SLC14A1: variants seen among roughly 807,000 people sequenced by gnomAD.
SLC14A1 encodes urea transporter 1.
A neutral mutation model predicts 39.6 loss-of-function variants in SLC14A1; 36 were observed. The observed-to-expected ratio is 0.91, with a 90% CI of 0.70 to 1.20. SLC14A1 has a LOEUF of 1.20. Among genes scored for constraint, SLC14A1 ranks in the 50% most tolerant of loss-of-function variants. The pLI, the probability that SLC14A1 is intolerant of heterozygous loss-of-function variation, is 0.00. For synonymous variants in SLC14A1, 164 were observed against 173.6 expected, an observed-to-expected ratio of 0.94 and a Z score of 0.43; for missense variants, 469 against 478.7, an observed-to-expected ratio of 0.98 and a Z score of 0.19.
intron 8 of SLC14A1, among the ~76,000 whole-genome samples, chr18:45,746,852 T>A (rs2047557781): frequency 1.3e-5 from 2 of 152,104 alleles, no homozygotes; most frequent in African/African-American, 2.4e-5. Flanking sequence ...TTACAGATGA[T>A]GAAACTAGAT....
At chr18:45,736,840 A>G (rs968829093) in intron 6 of SLC14A1, among the ~76,000 whole-genome samples, 192 bp downstream of exon 6, 1 of 150,300 alleles carries the variant, frequency 6.7e-6, no homozygotes, top group African/African-American at 2.4e-5. Flanking sequence ...TAAAATTACT[A>G]TTTAGTCAAG....
chr18:45,735,710 C>G (rs866918714), intron 5 of SLC14A1, among the ~76,000 whole-genome samples: 1 of 152,168 alleles, frequency 6.6e-6, no homozygotes. Context: ...TTGGGCCCTG[C>G]TCTGAAGAAT....
rs1416415642 is a variant in SLC14A1 at position 45,736,332 on chromosome 18, AT to A, written c.471-123del. Reference sequence around the variant, plus strand: ...ATCCCAAGTTTTCTTTCTGTGGCAAATGTGCCAACACAACACGTAAGGGGCC... The same window carrying A: ...ATCCCAAGTTTTCTTTCTGTGGCAAAGTGCCAACACAACACGTAAGGGGCC... On this transcript the variant is annotated intron_variant, in intron 5 of 9. Transcript: ENST00000321925. 3 of 859,248 alleles carry A rather than the reference AT, an allele frequency of 3.5e-6. No individual in the cohort carries two copies. In the Admixed American group the frequency reaches 5.6e-5, roughly 16 times the overall value. The allele number at this position is 859,248 out of a possible 1,614,324, so 53.2% of individuals were successfully genotyped here. A position where few individuals can be genotyped will look rare whatever the true frequency, so the allele number is the denominator to read the frequency against.
chr18:45,752,088 G>T lies in SLC14A1; in HGVS notation c.*2137G>T. The T allele has an allele frequency of 7.1e-6, 7 of 985,360 alleles. No individual in the cohort carries two copies. The highest frequency in any genetic ancestry group is 8.4e-6 in the Non-Finnish European group (7 of 829,934). The allele number at this position is 985,360 out of a possible 1,614,324, so 61.0% of individuals were successfully genotyped here. A position where few individuals can be genotyped will look rare whatever the true frequency, so the allele number is the denominator to read the frequency against. On this transcript the variant is annotated 3_prime_UTR_variant, in exon 10 of 10. Coordinates refer to ENST00000321925, the MANE Select transcript of SLC14A1 (RefSeq NM_015865.7). ...TAAAACCCAGTGACCAAAGCCTTTGGAACTATGAATTTGCAACTGTCATAG... is the reference window on the plus strand; with the variant it reads ...TAAAACCCAGTGACCAAAGCCTTTGTAACTATGAATTTGCAACTGTCATAG...
chr18:45,751,988 T>C lies in SLC14A1; in HGVS notation c.*2037T>C. ...ATAAACAGAAATAGGGAAGTAAACCTACAAATATTTTAGGGAGAAGCTCAC... is the reference window on the plus strand; with the variant it reads ...ATAAACAGAAATAGGGAAGTAAACCCACAAATATTTTAGGGAGAAGCTCAC... On this transcript the variant is annotated 3_prime_UTR_variant, in exon 10 of 10. Coordinates refer to ENST00000321925, the MANE Select transcript of SLC14A1 (RefSeq NM_015865.7). 2 of 985,354 alleles carry C rather than the reference T, an allele frequency of 2.0e-6. No homozygotes were observed. Among genetic ancestry groups the C allele is most frequent in the Non-Finnish European group, 2.4e-6 (2 of 829,908 alleles). The allele number at this position is 985,354 out of a possible 1,614,324, so 61.0% of individuals were successfully genotyped here. A position where few individuals can be genotyped will look rare whatever the true frequency, so the allele number is the denominator to read the frequency against.
At chr18:45,748,503 A>G in intron 9 of SLC14A1, 78 bp downstream of exon 9, 1 of 1,441,318 alleles carries the variant, frequency 6.9e-7, no homozygotes, top group East Asian at 2.3e-5. Context: ...CCTGAAGTCC[A>G]CTGGGCTGGC....
At chr18:45,746,407 A>G (rs2047546171) in intron 8 of SLC14A1, among the ~76,000 whole-genome samples, 1 of 152,216 alleles carries the variant, frequency 6.6e-6, no homozygotes, top group Non-Finnish European at 1.5e-5. Context: ...TATCACTTGT[A>G]CTATGGAGAG....
Position 45,739,226 on chromosome 18 carries a change from G to T in SLC14A1, c.727G>T (p.Gly243Cys). 4.3e-6 allele frequency: 7 copies of T among 1,614,102 alleles called. No homozygotes were observed. In the African/African-American group the frequency reaches 5.3e-5, roughly 12 times the overall value. The change falls in exon 7 of 10, where the codon GGC becomes TGC. Residue 243 changes from glycine (G) to cysteine (C), a missense_variant. Coordinates refer to ENST00000321925, the MANE Select transcript of SLC14A1 (RefSeq NM_015865.7). Reference sequence around the variant, plus strand: ...TGGCTGTGATAATCCATGGACAGGGGGCATTTTCCTGGGAGCCATCCTACT... The same window carrying T: ...TGGCTGTGATAATCCATGGACAGGGTGCATTTTCCTGGGAGCCATCCTACT... The part of the protein sequence containing the change: ...IYGCDNPWTG[G>C]IFLGAILLSS...
At chr18:45,743,406 T>A (rs1050420865) in intron 8 of SLC14A1, among the ~76,000 whole-genome samples, 3 of 125,006 alleles carry the variant, frequency 2.4e-5, no homozygotes, top group African/African-American at 1.2e-4. Context: ...TTGGATAGAT[T>A]TTTTTTTTTT....
Position 45,751,931 on chromosome 18 carries a change from G to A in SLC14A1, c.*1980G>A, listed in dbSNP as rs2047721636. 1.0e-6 allele frequency: 1 copy of A among 985,276 alleles called. No individual in the cohort carries two copies. Among genetic ancestry groups the A allele is most frequent in the African/African-American group, 1.7e-5 (1 of 57,314 alleles). The allele number at this position is 985,276 out of a possible 1,614,324, so 61.0% of individuals were successfully genotyped here. A position where few individuals can be genotyped will look rare whatever the true frequency, so the allele number is the denominator to read the frequency against. On this transcript the variant is annotated 3_prime_UTR_variant, in exon 10 of 10. Transcript: ENST00000321925. The stretch of plus-strand genomic sequence containing the variant: ...ATTTTTTCCACTTCTAGTTTGCAGT[G>A]CTCAGTGCACAATATACATTTTGCT...
chr18:45,732,158 A>C (rs2047048940), intron 4 of SLC14A1, among the ~76,000 whole-genome samples: 1 of 152,110 alleles, frequency 6.6e-6, no homozygotes, highest in South Asian at 2.1e-4. Context: ...AACATGATCA[A>C]CTCATTTTTT....
At chr18:45,730,135 G>A in intron 2 of SLC14A1, 165 bp from the exon 3 acceptor site, 1 of 612,316 alleles carries the variant, frequency 1.6e-6, no homozygotes, top group Non-Finnish European at 2.7e-6. Flanking sequence ...TGTGGGATTT[G>A]GGTTTGGCTA....
intron 8 of SLC14A1, 147 bp from the exon 9 acceptor site, chr18:45,748,229 A>G: frequency 1.2e-6 from 1 of 836,292 alleles, no homozygotes. Context: ...TGGAGCCAGG[A>G]TTTGAACCCA....
At chr18:45,745,313 G>A (rs1226202389) in intron 8 of SLC14A1, among the ~76,000 whole-genome samples, 3 of 152,166 alleles carry the variant, frequency 2.0e-5, no homozygotes, top group Non-Finnish European at 4.4e-5. Context: ...CTCCTGGGAT[G>A]TCCCCTTTCC....
intron 8 of SLC14A1, among the ~76,000 whole-genome samples, chr18:45,742,361 T>TTTG (rs2047404355): frequency 6.8e-6 from 1 of 146,136 alleles, no homozygotes; most frequent in African/African-American, 2.5e-5. Flanking sequence ...TGGTTTTTTT[T>TTTG]TTTTTTTTTT....
At chr18:45,748,551 T>C (rs1181182946) in intron 9 of SLC14A1, 126 bp downstream of exon 9, 1 of 936,752 alleles carries the variant, frequency 1.1e-6, no homozygotes, top group Admixed American at 1.7e-5. Flanking sequence ...GAAGCACTGC[T>C]CTCCCTTCTC....
chr18:45,727,420 T>C (rs953137410), intron 2 of SLC14A1: 96 of 1,539,300 alleles, frequency 6.2e-5, no homozygotes, highest in Non-Finnish European at 7.3e-5. Context: ...CAGGAACAGG[T>C]ATGCTTCCTT....
At chr18:45,724,616 T>C (rs2046813620) in intron 1 of SLC14A1, among the ~76,000 whole-genome samples, 1 of 152,238 alleles carries the variant, frequency 6.6e-6, no homozygotes, top group Non-Finnish European at 1.5e-5. Context: ...GGTTGTGTTC[T>C]TGAAATAATA....
chr18:45,749,900 C>G lies in SLC14A1; in HGVS notation c.1119C>G (p.Asn373Lys). 6.2e-7 allele frequency: 1 copy of G among 1,614,186 alleles called. No homozygotes were observed. Among genetic ancestry groups the G allele is most frequent in the Admixed American group, 1.7e-5 (1 of 60,020 alleles). ...PLSKVTYPEENRIFYLQAKKR... is the reference protein window; with the variant it reads ...PLSKVTYPEEKRIFYLQAKKR... ...GTAAAGTTACTTATCCTGAAGAAAA[C>G]CGCATCTTCTACCTGCAAGCCAAGA... Residue 373 changes from asparagine (N) to lysine (K), a missense_variant, in exon 10 of 10, where the codon AAC becomes AAG. By Grantham distance (94) the Asn-to-Lys change is moderately conservative (BLOSUM62 0). Transcript: ENST00000321925.
Sources: gnomAD v4.1 joint callset for allele counts (sites outside exome capture counted in the v4.1 genomes callset) on GRCh38, gnomAD v4.1.1 for gene constraint, MANE v1.5 for transcripts, NCBI Gene and HGNC (gene_info 2026-07-23, HGNC 2026-07-21) for gene names.